The following CCN4 variants were observed in gnomAD, a reference collection of about 807,000 sequenced individuals.
CCN4 encodes CCN family member 4.
In CCN4, 30 loss-of-function variants were observed where a neutral mutation model predicts 36.7. The ratio of observed to expected loss-of-function variants is 0.82; its 90% CI spans 0.61 to 1.11. The LOEUF (loss-of-function observed/expected upper bound fraction) is 1.11, where lower values mean the gene tolerates loss of function less well. CCN4 is among the 50% of genes least tolerant of loss of function. CCN4 has a pLI of 0.00. For missense variants in CCN4, 505 were observed against 504.9 expected, an observed-to-expected ratio of 1.00 and a Z score of 0.00; for synonymous variants, 191 against 195.4, an observed-to-expected ratio of 0.98 and a Z score of 0.19.
chr8:133,212,725 C>T, intron 1 of CCN4, 139 bp from the exon 2 acceptor site: 1 of 695,488 alleles, frequency 1.4e-6, no homozygotes, highest in Non-Finnish European at 2.4e-6. Flanking sequence ...AGATGTTTGG[C>T]TATCAAAAGC....
chr8:133,230,412 G>C lies in CCN4; in HGVS notation c.*2702G>C, dbSNP rs916229382. On this transcript the variant is annotated 3_prime_UTR_variant, in exon 5 of 5. Transcript: ENST00000250160. ...AAGTTGTTCATTATTTTATTTAATTGTTACAGCAATTTTGAGTATGCATCT... is the reference window on the plus strand; with the variant it reads ...AAGTTGTTCATTATTTTATTTAATTCTTACAGCAATTTTGAGTATGCATCT... 1 of 152,192 alleles carries C rather than the reference G, an allele frequency of 6.6e-6. No homozygotes were observed. Among genetic ancestry groups the C allele is most frequent in the Admixed American group, 6.5e-5 (1 of 15,280 alleles). 9.4% of individuals were successfully genotyped at this position (152,192 alleles called of 1,614,324 possible).
chr8:133,225,866 A>G lies in CCN4; in HGVS notation c.804+283A>G, dbSNP rs1179401158. Among the ~76,000 whole-genome samples the G allele has an allele frequency of 2.6e-5, 4 of 152,268 alleles. No individual in the cohort carries two copies. The East Asian group carries it at 7.7e-4, about 29-fold the overall frequency. ...GGAGTGGTCTTCTATAATGATTCTG[A>G]GGGATCCTTACCAATTTCCATCCTC... On this transcript the variant is annotated intron_variant, in intron 4 of 4. Transcript: ENST00000250160.
intron 4 of CCN4, among the ~76,000 whole-genome samples, chr8:133,226,609 A>G (rs1455013031): frequency 1.3e-5 from 2 of 152,252 alleles, no homozygotes; most frequent in African/African-American, 4.8e-5. Flanking sequence ...GAGGAATGAC[A>G]GCAAAGGTCG....
Position 133,230,175 on chromosome 8 carries a change from G to A in CCN4, c.*2465G>A, listed in dbSNP as rs907341350. The A allele has an allele frequency of 5.3e-5, 8 of 152,134 alleles. No individual in the cohort carries two copies. The highest frequency in any genetic ancestry group is 1.2e-4 in the African/African-American group (5 of 41,356). 9.4% of individuals were successfully genotyped at this position (152,134 alleles called of 1,614,324 possible). A position where few individuals can be genotyped will look rare whatever the true frequency, so the allele number is the denominator to read the frequency against. On this transcript the variant is annotated 3_prime_UTR_variant, in exon 5 of 5. Transcript: ENST00000250160. ...CCAGTCGCCATTGGTTTTGAGAAAC[G>A]GAACTATCTTATGCAGAGCCCGGAG...
rs529181122 is a variant in CCN4 at position 133,192,643 on chromosome 8, G to A, written c.69+1430G>A. ...AAGGAGCTAAGTCGCTGTTTATTTC[G>A]GCTCTGGGTATGGCTGCGCCTTTAT... On this transcript the variant is annotated intron_variant, in intron 1 of 4. Coordinates refer to ENST00000250160, the MANE Select transcript of CCN4 (RefSeq NM_003882.4). 2.6e-5 allele frequency among the ~76,000 whole-genome samples: 4 copies of A among 152,314 alleles called. No individual in the cohort carries two copies. In the East Asian group the frequency reaches 5.8e-4, roughly 22 times the overall value.
intron 1 of CCN4, among the ~76,000 whole-genome samples, chr8:133,206,257 G>A (rs2977533): frequency 0.36 from 54,098 of 151,998 alleles, 10,772 homozygotes; most frequent in East Asian, 0.69. Flanking sequence ...ACACACATAC[G>A]TGCCCCAGAT....
intron 1 of CCN4, among the ~76,000 whole-genome samples, chr8:133,211,293 C>T (rs1340363426): frequency 6.6e-6 from 1 of 152,234 alleles, no homozygotes; most frequent in Admixed American, 6.5e-5. Context: ...CTAATACTTG[C>T]CTCTCCCATA....
chr8:133,208,680 C>A (rs1448408998), intron 1 of CCN4, among the ~76,000 whole-genome samples: 2 of 152,170 alleles, frequency 1.3e-5, no homozygotes, highest in East Asian at 3.9e-4. Context: ...CATTGGGTAC[C>A]CTCTCCTGCT....
intron 1 of CCN4, among the ~76,000 whole-genome samples, chr8:133,195,412 A>C (rs1403768231): frequency 1.3e-5 from 2 of 151,938 alleles, no homozygotes; most frequent in Admixed American, 1.3e-4. Context: ...GGTCAAGTGT[A>C]TGGCAAAATA....
chr8:133,193,450 G>A (rs982780047), intron 1 of CCN4, among the ~76,000 whole-genome samples: 1 of 152,186 alleles, frequency 6.6e-6, no homozygotes, highest in Non-Finnish European at 1.5e-5. Context: ...GTGTATTTGG[G>A]AATTTAATCT....
At chr8:133,224,607 T>G (rs1404186130) in intron 3 of CCN4, among the ~76,000 whole-genome samples, 1 of 152,112 alleles carries the variant, frequency 6.6e-6, no homozygotes, top group African/African-American at 2.4e-5. Flanking sequence ...CAAATAAACT[T>G]TCTCTCTGCA....
Position 133,199,622 on chromosome 8 carries a change from C to T in CCN4, c.69+8409C>T, listed in dbSNP as rs376900235. On this transcript the variant is annotated intron_variant, in intron 1 of 4. Transcript: ENST00000250160. ...GCTCATGGATAACAGAGCTGGCAGG[C>T]GCGCGTGGAGTGAGATTGCAGCCAC... 2.4e-4 allele frequency among the ~76,000 whole-genome samples: 37 copies of T among 152,222 alleles called. 1 individual carries two copies. Among genetic ancestry groups the T allele is most frequent in the African/African-American group, 8.4e-4 (35 of 41,534 alleles).
At chr8:133,227,342 G>A in intron 4 of CCN4, 69 bp from the exon 5 acceptor site, 2 of 1,501,946 alleles carry the variant, frequency 1.3e-6, no homozygotes, top group Non-Finnish European at 1.8e-6. Context: ...AAAACTGGGG[G>A]CTCAGGGGAA....
At chr8:133,219,471 T>G (rs1321117433) in intron 2 of CCN4, among the ~76,000 whole-genome samples, 1 of 152,158 alleles carries the variant, frequency 6.6e-6, no homozygotes, top group Non-Finnish European at 1.5e-5. Context: ...TTTAACCCTA[T>G]TCCCAGTTGC....
In CCN4 at chr8:133,191,136, C is replaced by T. The variant is rs769796573; in HGVS notation, c.-9C>T. The T allele has an allele frequency of 6.2e-6, 10 of 1,605,896 alleles. No individual in the cohort carries two copies. Among genetic ancestry groups the T allele is most frequent in the South Asian group, 4.4e-5 (4 of 90,936 alleles). The stretch of plus-strand genomic sequence containing the variant: ...GCTCGGTCGATGCCTGTGCCACTGA[C>T]GTCCAGGCATGAGGTGGTTCCTGCC... On this transcript the variant is annotated 5_prime_UTR_variant, in exon 1 of 5. The change creates a new upstream start codon in the 5' untranslated region. Coordinates refer to ENST00000250160, the MANE Select transcript of CCN4 (RefSeq NM_003882.4).
intron 3 of CCN4, among the ~76,000 whole-genome samples, chr8:133,223,868 C>T (rs1012017181): frequency 6.6e-6 from 1 of 152,182 alleles, no homozygotes; most frequent in Non-Finnish European, 1.5e-5. Context: ...GAGCTCACCA[C>T]CATTTTCCGT....
chr8:133,213,072 G>C lies in CCN4; in HGVS notation c.278G>C (p.Cys93Ser). ...LGDNCTEAAI[C>S]DPHRGLYCDY... ...GACAACTGCACGGAGGCTGCCATCT[G>C]TGACCCCCACCGGGGCCTCTACTGT... Residue 93 changes from cysteine to serine, a missense_variant, in exon 2 of 5, where the codon TGT (cysteine) becomes TCT (serine). By Grantham distance (112) the Cys-to-Ser change is moderately radical. Transcript: ENST00000250160. 1 of 1,614,134 alleles carries C rather than the reference G, an allele frequency of 6.2e-7. No individual in the cohort carries two copies. Among genetic ancestry groups the C allele is most frequent in the East Asian group, 2.2e-5 (1 of 44,872 alleles).
At chr8:133,218,034 C>T (rs1228030275) in intron 2 of CCN4, among the ~76,000 whole-genome samples, 1 of 151,864 alleles carries the variant, frequency 6.6e-6, no homozygotes, top group Non-Finnish European at 1.5e-5. Flanking sequence ...TCACCCAGCG[C>T]TTCCTCTGCT....
chr8:133,227,690 T>G lies in CCN4; in HGVS notation c.1084T>G (p.Phe362Val), dbSNP rs1854795929. The G allele has an allele frequency of 6.2e-7, 1 of 1,612,946 alleles. No homozygotes were observed. The highest frequency in any genetic ancestry group is 1.3e-5 in the African/African-American group (1 of 74,916). Residue 362 changes from phenylalanine (F) to valine (V), a missense_variant, in exon 5 of 5, where the codon TTC (phenylalanine) becomes GTC (valine). Coordinates refer to ENST00000250160, the MANE Select transcript of CCN4 (RefSeq NM_003882.4). Reference sequence around the variant, plus strand: ...TGCTGACTTGGAATCCTACCCTGACTTCTCAGAAATTGCCAACTAGGCAGG... The same window carrying G: ...TGCTGACTTGGAATCCTACCCTGACGTCTCAGAAATTGCCAACTAGGCAGG... ...IFADLESYPD[F>V]SEIAN
Sources: gnomAD v4.1 joint callset for allele counts (sites outside exome capture counted in the v4.1 genomes callset) on GRCh38, gnomAD v4.1.1 for gene constraint, MANE v1.5 for transcripts, NCBI Gene and HGNC (gene_info 2026-07-23, HGNC 2026-07-21) for gene names.